Variants in ARHGAP10 observed in about 807,000 individuals in gnomAD.
The protein encoded by ARHGAP10 is rho GTPase-activating protein 10.
In ARHGAP10, 87 loss-of-function variants were observed where a neutral mutation model predicts 108.6. The ratio of observed to expected loss-of-function variants is 0.80; its 90% CI spans 0.67 to 0.96. The LOEUF (loss-of-function observed/expected upper bound fraction) is 0.96, where lower values mean the gene tolerates loss of function less well. Ranked by LOEUF, ARHGAP10 falls within the 40% of genes least tolerant of loss-of-function variation. The pLI is 0.00. For synonymous variants in ARHGAP10, 347 were observed against 341.1 expected (o/e 1.02, Z -0.19); for missense variants, 939 against 954.5 (o/e 0.98, Z 0.21).
At chr4:147,765,514 AT>A (rs2126710979) in intron 1 of ARHGAP10, among the ~76,000 whole-genome samples, 1 of 152,312 alleles carries the variant, frequency 6.6e-6, no homozygotes, top group East Asian at 1.9e-4. Context: ...TAGAAGTTTC[AT>A]GAGGTTGGGT....
In ARHGAP10 at chr4:148,004,365, T is replaced by C. The variant is rs112562846; in HGVS notation, c.1717-18898T>C. Among the ~76,000 whole-genome samples, 1,269 of 152,300 alleles carry C rather than the reference T, an allele frequency of 8.3e-3. 13 individuals are homozygous for C. The highest frequency in any genetic ancestry group is 0.022 in the African/African-American group (925 of 41,546). Reference sequence around the variant, plus strand: ...GGTGGAAGAAACATTCTGTAGCCTTTTGAAAAGAATGAATAGATTTAAATA... The same window carrying C: ...GGTGGAAGAAACATTCTGTAGCCTTCTGAAAAGAATGAATAGATTTAAATA... On this transcript the variant is annotated intron_variant, in intron 18 of 22. Coordinates refer to ENST00000336498, the MANE Select transcript of ARHGAP10 (RefSeq NM_024605.4).
intron 1 of ARHGAP10, among the ~76,000 whole-genome samples, chr4:147,774,795 A>G (rs569294556): frequency 6.6e-6 from 1 of 152,302 alleles, no homozygotes; most frequent in South Asian, 2.1e-4. Flanking sequence ...AGAGATGAGA[A>G]GAACATTTTG....
chr4:148,047,553 G>C (rs1728944183), intron 20 of ARHGAP10, among the ~76,000 whole-genome samples: 1 of 152,224 alleles, frequency 6.6e-6, no homozygotes, highest in Admixed American at 6.5e-5. Flanking sequence ...GTTTGGTTTA[G>C]TGCCAGGCAT....
chr4:147,770,439 T>G (rs1730030226), intron 1 of ARHGAP10, among the ~76,000 whole-genome samples: 1 of 152,114 alleles, frequency 6.6e-6, no homozygotes, highest in Non-Finnish European at 1.5e-5. Flanking sequence ...GCATGAGAAT[T>G]GCTTGAACCC....
intron 10 of ARHGAP10, among the ~76,000 whole-genome samples, chr4:147,897,284 G>T (rs1306215986): frequency 6.6e-6 from 1 of 150,918 alleles, no homozygotes; most frequent in Non-Finnish European, 1.5e-5. Context: ...CTATTTTTTT[G>T]TAGAGATGGG....
chr4:147,790,501 G>A (rs191598207), intron 1 of ARHGAP10, among the ~76,000 whole-genome samples: 1 of 152,288 alleles, frequency 6.6e-6, no homozygotes, highest in South Asian at 2.1e-4. Context: ...ATTCTAAGAT[G>A]TAACAAAACA....
chr4:147,965,963 G>T (rs1350127083), intron 17 of ARHGAP10, among the ~76,000 whole-genome samples: 1 of 152,188 alleles, frequency 6.6e-6, no homozygotes, highest in Admixed American at 6.5e-5. Context: ...AAAATGTTAT[G>T]CAAAGGCTTT....
At chr4:148,046,657 T>C (rs1728898527) in intron 19 of ARHGAP10, among the ~76,000 whole-genome samples, 2 of 152,204 alleles carry the variant, frequency 1.3e-5, no homozygotes, top group African/African-American at 2.4e-5. Flanking sequence ...TATCTGATTT[T>C]GATCATTGTG....
intron 16 of ARHGAP10, among the ~76,000 whole-genome samples, chr4:147,962,406 T>C (rs1739035504): frequency 6.6e-6 from 1 of 152,254 alleles, no homozygotes; most frequent in East Asian, 1.9e-4. Flanking sequence ...TTATGTATGT[T>C]ACAGCATTGA....
At chr4:147,846,225 A>C (rs1733623279) in intron 3 of ARHGAP10, among the ~76,000 whole-genome samples, 1 of 152,168 alleles carries the variant, frequency 6.6e-6, no homozygotes, top group African/African-American at 2.4e-5. Flanking sequence ...ATAATGAAAC[A>C]CTGCTGAGGA....
chr4:147,884,383 T>C (rs1735456327), intron 10 of ARHGAP10, among the ~76,000 whole-genome samples: 1 of 152,164 alleles, frequency 6.6e-6, no homozygotes, highest in Non-Finnish European at 1.5e-5. Context: ...AGGGATCTAT[T>C]CTAGTGGTTT....
intron 18 of ARHGAP10, among the ~76,000 whole-genome samples, chr4:148,016,983 TAAAA>T (rs767261865): frequency 8.9e-6 from 1 of 112,602 alleles, no homozygotes; most frequent in African/African-American, 3.3e-5. Context: ...TCATCTCTAT[TAAAA>T]AAAAAAAAAA....
At chr4:147,919,970 C>T (rs368353916) in intron 13 of ARHGAP10, among the ~76,000 whole-genome samples, 93 of 152,210 alleles carry the variant, frequency 6.1e-4, no homozygotes, top group Middle Eastern at 3.4e-3. Context: ...TTTAAATTTC[C>T]GCAGATGATT....
At chr4:147,950,185 A>G (rs530277855) in intron 15 of ARHGAP10, among the ~76,000 whole-genome samples, 1 of 152,340 alleles carries the variant, frequency 6.6e-6, no homozygotes, top group Non-Finnish European at 1.5e-5. Flanking sequence ...GAGATTTGAA[A>G]GTTGGGTTGC....
At chr4:148,005,036 A>G (rs1740890272) in intron 18 of ARHGAP10, among the ~76,000 whole-genome samples, 1 of 152,200 alleles carries the variant, frequency 6.6e-6, no homozygotes, top group Admixed American at 6.5e-5. Context: ...ATTAAATTTA[A>G]AAAAAGAATC....
chr4:147,819,417 T>C (rs1350047377), intron 1 of ARHGAP10, among the ~76,000 whole-genome samples: 1 of 152,138 alleles, frequency 6.6e-6, no homozygotes, highest in Non-Finnish European at 1.5e-5. Context: ...AACAGCAAAA[T>C]AGAATAATGT....
chr4:147,881,273 A>G (rs1436904867), intron 9 of ARHGAP10, among the ~76,000 whole-genome samples: 3 of 150,780 alleles, frequency 2.0e-5, no homozygotes, highest in Non-Finnish European at 4.4e-5. Flanking sequence ...ACTGTCAAAA[A>G]AAAAAAAAAG....
chr4:147,942,304 AG>A, intron 14 of ARHGAP10, among the ~76,000 whole-genome samples: 2 of 152,150 alleles, frequency 1.3e-5, no homozygotes, highest in Admixed American at 1.3e-4. Flanking sequence ...CTATTTTTTG[AG>A]GAGAGCTGCC....
At chr4:147,737,270 C>T (rs1414450636) in intron 1 of ARHGAP10, among the ~76,000 whole-genome samples, 1 of 152,038 alleles carries the variant, frequency 6.6e-6, no homozygotes, top group Non-Finnish European at 1.5e-5. Context: ...TGTGCCTTAG[C>T]CTCCCAAGTA....
Sources: gnomAD v4.1 joint callset for allele counts (sites outside exome capture counted in the v4.1 genomes callset) on GRCh38, gnomAD v4.1.1 for gene constraint, MANE v1.5 for transcripts, NCBI Gene and HGNC (gene_info 2026-07-23, HGNC 2026-07-21) for gene names.